CNTNAP2: variants seen among roughly 807,000 people sequenced by gnomAD.
CNTNAP2 encodes contactin associated protein 2.
A neutral mutation model predicts 155.2 loss-of-function variants in CNTNAP2; 98 were observed. The observed-to-expected ratio is 0.63, with a 90% confidence interval of 0.54 to 0.75. The LOEUF (loss-of-function observed/expected upper bound fraction) is 0.75. Ranked by LOEUF, CNTNAP2 falls within the 30% of genes least tolerant of loss-of-function variation. The pLI is 0.00. For synonymous variants in CNTNAP2, 651 were observed against 631.2 expected, an observed-to-expected ratio of 1.03 and a Z score of -0.47; for missense variants, 1,727 against 1,688.1, an observed-to-expected ratio of 1.02 and a Z score of -0.40.
intron 1 of CNTNAP2, among the ~76,000 whole-genome samples, chr7:146,374,334 C>T (rs771719279): frequency 3.9e-5 from 6 of 152,098 alleles, no homozygotes; most frequent in African/African-American, 7.2e-5. Context: ...TTAGCAATCT[C>T]GATAGTCATA....
chr7:147,683,234 ATTAATCCCAAT>A (rs1477794467), intron 13 of CNTNAP2, among the ~76,000 whole-genome samples: 1 of 151,894 alleles, frequency 6.6e-6, no homozygotes, highest in Non-Finnish European at 1.5e-5. Flanking sequence ...GACAAATGTA[ATTAATCCCAAT>A]TTAAACAGGT....
chr7:146,351,080 A>G (rs1444863132), intron 1 of CNTNAP2, among the ~76,000 whole-genome samples: 1 of 151,436 alleles, frequency 6.6e-6, no homozygotes, highest in Non-Finnish European at 1.5e-5. Flanking sequence ...CCTAATGCTA[A>G]ATGATGAGTT....
chr7:147,837,518 C>T (rs1156485549), intron 13 of CNTNAP2, among the ~76,000 whole-genome samples: 1 of 152,098 alleles, frequency 6.6e-6, no homozygotes, highest in Non-Finnish European at 1.5e-5. Context: ...ACCAATTATG[C>T]CTTCCCAACA....
At position 147,043,974 on chromosome 7, in the gene CNTNAP2, G is replaced by T. The variant is rs772931700; in HGVS notation, c.470G>T (p.Arg157Leu). The T allele has an allele frequency of 4.3e-6, 7 of 1,614,052 alleles. No homozygotes were observed. Among genetic ancestry groups the T allele is most frequent in the Non-Finnish European group, 8.5e-7 (1 of 1,180,014 alleles). Reference protein sequence around the residue: ...RHELQHPIIARYVRIVPLDWN... With the variant: ...RHELQHPIIALYVRIVPLDWN... Reference sequence around the variant, plus strand: ...GAATTACAGCATCCGATTATTGCCCGCTATGTGCGCATAGTGCCTCTGGAT... The same window carrying T: ...GAATTACAGCATCCGATTATTGCCCTCTATGTGCGCATAGTGCCTCTGGAT... Residue 157 changes from arginine (R) to leucine (L), a missense_variant, in exon 4 of 24, where the codon CGC (arginine) becomes CTC (leucine). Physicochemically the swap from Arg to Leu is moderately radical, Grantham distance 102. Transcript: ENST00000361727.
intron 9 of CNTNAP2, among the ~76,000 whole-genome samples, chr7:147,374,950 G>A (rs1028403061): frequency 1.3e-5 from 2 of 151,962 alleles, no homozygotes; most frequent in Admixed American, 1.3e-4. Context: ...CCCACAGGTT[G>A]AGGGAAGGAC....
At chr7:148,253,055 T>TAGATGATAGATA (rs57134961) in intron 20 of CNTNAP2, among the ~76,000 whole-genome samples, 1 of 138,692 alleles carries the variant, frequency 7.2e-6, no homozygotes, top group African/African-American at 2.6e-5. Flanking sequence ...GATAGACAGA[T>TAGATGATAGATA]GATAGATAGA....
At chr7:146,750,724 G>A (rs1284765591) in intron 1 of CNTNAP2, among the ~76,000 whole-genome samples, 1 of 152,122 alleles carries the variant, frequency 6.6e-6, no homozygotes, top group Admixed American at 6.5e-5. Flanking sequence ...TTGAGAGGTG[G>A]CATGGCCAGA....
At chr7:146,846,427 G>A (rs953039807) in intron 3 of CNTNAP2, among the ~76,000 whole-genome samples, 4 of 151,992 alleles carry the variant, frequency 2.6e-5, no homozygotes, top group African/African-American at 4.8e-5. Flanking sequence ...TTTCCAAGGC[G>A]ATTTCAGAAT....
intron 3 of CNTNAP2, among the ~76,000 whole-genome samples, chr7:146,947,707 A>G (rs1797219641): frequency 6.7e-6 from 1 of 150,294 alleles, no homozygotes; most frequent in Admixed American, 6.7e-5. Flanking sequence ...GGGGTTTGAG[A>G]CCAGCCTGGG....
intron 2 of CNTNAP2, among the ~76,000 whole-genome samples, chr7:146,787,661 G>T (rs1379720094): frequency 6.6e-6 from 1 of 152,128 alleles, no homozygotes; most frequent in East Asian, 1.9e-4. Flanking sequence ...GCGCATGAGG[G>T]TACCCGAGCA....
At chr7:146,644,524 A>G (rs578133417) in intron 1 of CNTNAP2, among the ~76,000 whole-genome samples, 1 of 152,254 alleles carries the variant, frequency 6.6e-6, no homozygotes, top group African/African-American at 2.4e-5. Flanking sequence ...CATGGTGGAT[A>G]AGGTTTTTGA....
chr7:147,811,196 G>A (rs944526795), intron 13 of CNTNAP2, among the ~76,000 whole-genome samples: 1 of 152,148 alleles, frequency 6.6e-6, no homozygotes, highest in Non-Finnish European at 1.5e-5. Context: ...CTGGGTTCAA[G>A]CAATTCTCCT....
At chr7:147,089,858 A>C (rs1800362698) in intron 4 of CNTNAP2, among the ~76,000 whole-genome samples, 1 of 152,134 alleles carries the variant, frequency 6.6e-6, no homozygotes, top group South Asian at 2.1e-4. Context: ...ACCCGTCCTC[A>C]CTCTGCACCA....
chr7:146,970,285 C>T (rs1049496213), intron 3 of CNTNAP2, among the ~76,000 whole-genome samples: 8 of 151,928 alleles, frequency 5.3e-5, no homozygotes, highest in South Asian at 2.1e-4. Flanking sequence ...CCTACAAAAT[C>T]GGAGAAAATT....
rs371056804 is a variant in CNTNAP2 at position 146,408,288 on chromosome 7, C to CT, written c.97+291322dup. Among the ~76,000 whole-genome samples the CT allele has an allele frequency of 1.9e-3, 283 of 152,186 alleles. 1 individual carries two copies. Among genetic ancestry groups the CT allele is most frequent in the African/African-American group, 6.7e-3 (277 of 41,536 alleles). On this transcript the variant is annotated intron_variant, in intron 1 of 23. Coordinates refer to ENST00000361727, the MANE Select transcript of CNTNAP2 (RefSeq NM_014141.6). ...ACAGAATACTTTAATAAAAATAGGA[C>CT]TTTTTTTCCTTGAGTTAAGGATGAT... is the stretch of plus-strand genomic sequence containing the variant.
chr7:147,393,890 A>T (rs1195584730), intron 9 of CNTNAP2, among the ~76,000 whole-genome samples: 2 of 152,070 alleles, frequency 1.3e-5, no homozygotes, highest in Non-Finnish European at 2.9e-5. Context: ...GATTCAAATG[A>T]CAGTTATTGG....
At chr7:147,573,783 A>C (rs1426125780) in intron 12 of CNTNAP2, among the ~76,000 whole-genome samples, 1 of 152,146 alleles carries the variant, frequency 6.6e-6, no homozygotes, top group Non-Finnish European at 1.5e-5. Context: ...TTATTTATCC[A>C]AGAATGTCTT....
intron 1 of CNTNAP2, among the ~76,000 whole-genome samples, chr7:146,406,460 A>G (rs1016086741): frequency 2.0e-5 from 3 of 152,244 alleles, no homozygotes; most frequent in Admixed American, 2.0e-4. Flanking sequence ...TAGGACAGTT[A>G]CAGAACTGGA....
chr7:147,015,310 T>C (rs948057367), intron 3 of CNTNAP2, among the ~76,000 whole-genome samples: 2 of 152,124 alleles, frequency 1.3e-5, no homozygotes, highest in East Asian at 3.9e-4. Context: ...GGAACTGTGA[T>C]AATATAAAGT....
Sources: gnomAD v4.1 joint callset for allele counts (sites outside exome capture counted in the v4.1 genomes callset) on GRCh38, gnomAD v4.1.1 for gene constraint, MANE v1.5 for transcripts, NCBI Gene and HGNC (gene_info 2026-07-23, HGNC 2026-07-21) for gene names.